IFT140: variants seen among roughly 807,000 people sequenced by gnomAD.
The protein encoded by IFT140 is intraflagellar transport 140.
IFT140 carries 133 observed loss-of-function variants against 164.6 expected under a neutral mutation model. The observed-to-expected ratio is 0.81, with a 90% CI of 0.70 to 0.93. IFT140 has a LOEUF of 0.93. IFT140 is among the 40% of genes least tolerant of loss of function. IFT140 has a pLI of 0.00. For missense variants in IFT140, 2,045 were observed against 1,972.3 expected, an observed-to-expected ratio of 1.04 and a Z score of -0.70; for synonymous variants, 860 against 817.3, an observed-to-expected ratio of 1.05 and a Z score of -0.89.
At chr16:1,526,825 C>G (rs534992746) in intron 19 of IFT140, 29 bp from the exon 20 acceptor site, 1 of 1,594,002 alleles carries the variant, frequency 6.3e-7, no homozygotes, top group African/African-American at 1.3e-5. Context: ...CTGTGAGGCT[C>G]CTGCCCAGCA....
intron 19 of IFT140, among the ~76,000 whole-genome samples, chr16:1,547,598 G>A (rs1849302301): frequency 1.3e-5 from 2 of 152,148 alleles, no homozygotes; most frequent in African/African-American, 4.8e-5. Context: ...GTGCAGTGGT[G>A]CAATCTGGGT....
intron 18 of IFT140, 66 bp downstream of exon 18, chr16:1,561,919 T>G (rs534276476): frequency 6.9e-7 from 1 of 1,454,508 alleles, no homozygotes; most frequent in Admixed American, 2.4e-5. Flanking sequence ...CTGGGACGCT[T>G]GCAAGAGCCC....
rs762138817 is a variant in IFT140 at position 1,589,649 on chromosome 16, G to A, written c.766C>T (p.Leu256=). The change falls in exon 7 of 31, where the codon CTG becomes TTG. Residue 256 remains leucine, a synonymous_variant. Transcript: ENST00000426508. ...TTGCCCTCAGGAGGCACCGTGTACA[G>A]GGACAGCCGGAGGTTCTCTGTGACC... ...VVVTENLRLS[L]YTVPPEGKAE... 2 of 1,614,158 alleles carry A rather than the reference G, an allele frequency of 1.2e-6. No homozygotes were observed. Among genetic ancestry groups the A allele is most frequent in the South Asian group, 1.1e-5 (1 of 91,078 alleles).
At chr16:1,607,022 GCACA>G (rs200397285) in intron 3 of IFT140, 94 bp downstream of exon 3, 34 of 1,179,908 alleles carry the variant, frequency 2.9e-5, no homozygotes, top group African/African-American at 2.3e-4. Flanking sequence ...ACACCCATAG[GCACA>G]CACACACATG....
intron 1 of IFT140, among the ~76,000 whole-genome samples, chr16:1,611,540 C>A (rs571719888): frequency 6.7e-6 from 1 of 149,428 alleles, no homozygotes; most frequent in South Asian, 2.1e-4. Context: ...TTGAGCCGGG[C>A]GCGGTGGCTC....
chr16:1,582,846 T>A (rs944411001), intron 12 of IFT140, among the ~76,000 whole-genome samples: 2 of 152,202 alleles, frequency 1.3e-5, no homozygotes, highest in Non-Finnish European at 2.9e-5. Flanking sequence ...GAGGGTGCAG[T>A]GAGGTGAGAT....
chr16:1,605,604 C>A (rs2036017906), intron 3 of IFT140, among the ~76,000 whole-genome samples: 1 of 152,028 alleles, frequency 6.6e-6, no homozygotes, highest in African/African-American at 2.4e-5. Context: ...CGGGGTTTCA[C>A]CGTGTTAGCC....
At chr16:1,563,434 C>A (rs1380320929) in intron 17 of IFT140, among the ~76,000 whole-genome samples, 1 of 150,822 alleles carries the variant, frequency 6.6e-6, no homozygotes, top group Non-Finnish European at 1.5e-5. Flanking sequence ...ACCTGGGCGA[C>A]AGAGAGAGAC....
Position 1,568,220 on chromosome 16 carries a change from G to A in IFT140, c.1767C>T (p.Ser589=), listed in dbSNP as rs1162373215. The change falls in exon 15 of 31, where the codon AGC becomes AGT. Residue 589 remains serine (S), a synonymous_variant. Transcript: ENST00000426508. Reference sequence around the variant, plus strand: ...AGTGGACGAGGGGTGGCCTCACCTTGCTGGGGAGGATGCTGATGGTGCTCC... The same window carrying A: ...AGTGGACGAGGGGTGGCCTCACCTTACTGGGGAGGATGCTGATGGTGCTCC... The part of the protein sequence containing the change: ...SSGSTISILP[S]KADNSPDSKI... 1.8e-5 allele frequency: 28 copies of A among 1,594,934 alleles called. No homozygotes were observed. Among genetic ancestry groups the A allele is most frequent in the Non-Finnish European group, 2.0e-5 (23 of 1,170,818 alleles).
intron 18 of IFT140, among the ~76,000 whole-genome samples, chr16:1,561,749 G>A (rs1007122739): frequency 6.6e-6 from 1 of 152,194 alleles, no homozygotes; most frequent in African/African-American, 2.4e-5. Context: ...TCATTAGCAC[G>A]AGTTCTCTCT....
At chr16:1,555,009 G>C (rs776603275) in intron 19 of IFT140, 4 of 1,611,572 alleles carry the variant, frequency 2.5e-6, no homozygotes, top group East Asian at 4.5e-5. Context: ...CAATGACTAC[G>C]TGGAGTCACC....
At chr16:1,523,110 G>A (rs547090142) in intron 26 of IFT140, among the ~76,000 whole-genome samples, 4 of 151,594 alleles carry the variant, frequency 2.6e-5, no homozygotes, top group South Asian at 4.2e-4. Flanking sequence ...CTGTATTCCC[G>A]GCTACTCAGG....
chr16:1,588,042 C>A lies in IFT140; in HGVS notation c.811-18G>T, dbSNP rs371769718. 1.9e-6 allele frequency: 3 copies of A among 1,610,320 alleles called. No individual in the cohort carries two copies. Among genetic ancestry groups the A allele is most frequent in the East Asian group, 2.2e-5 (1 of 44,830 alleles). On this transcript the variant is annotated intron_variant, in intron 7 of 30. Coordinates refer to ENST00000426508, the MANE Select transcript of IFT140 (RefSeq NM_014714.4). Reference sequence around the variant, plus strand: ...AGCTTGACCTGTGTGAGGAAACAACCGAGCAGAGGCACCGTGCTTGCTGAG... The same window carrying A: ...AGCTTGACCTGTGTGAGGAAACAACAGAGCAGAGGCACCGTGCTTGCTGAG...
In IFT140 at chr16:1,558,038, C is replaced by G; in HGVS notation, c.2296G>C (p.Glu766Gln). The change falls in exon 19 of 31, where the codon GAG (glutamate) becomes CAG (glutamine). Residue 766 changes from glutamate (E) to glutamine (Q), a missense_variant. By Grantham distance (29) the Glu-to-Gln change is conservative. Transcript: ENST00000426508. ...RRPLRDFVGL[E>Q]DCDKATRDAM... Reference sequence around the variant, plus strand: ...TCCCGGGTGGCCTTGTCGCAGTCCTCCAGCCCCACAAAGTCTCGCAGGGGT... The same window carrying G: ...TCCCGGGTGGCCTTGTCGCAGTCCTGCAGCCCCACAAAGTCTCGCAGGGGT... 1 of 1,614,068 alleles carries G rather than the reference C, an allele frequency of 6.2e-7. No individual in the cohort carries two copies. The highest frequency in any genetic ancestry group is 1.1e-5 in the South Asian group (1 of 91,070).
intron 7 of IFT140, among the ~76,000 whole-genome samples, chr16:1,588,527 A>AAATAATAATAATAATAGTAAT (rs1555492687): frequency 6.9e-6 from 1 of 145,432 alleles, no homozygotes; most frequent in Non-Finnish European, 1.5e-5. Context: ...TCCGTCTCAA[A>AAATAATAATAATAATAGTAAT]AATAATAATA....
intron 19 of IFT140, chr16:1,555,611 G>T: frequency 6.6e-6 from 1 of 152,612 alleles, no homozygotes; most frequent in Non-Finnish European, 1.5e-5. Context: ...ACTGCGACAT[G>T]GCTGAAAAAC....
intron 18 of IFT140, among the ~76,000 whole-genome samples, chr16:1,559,042 C>G (rs960403151): frequency 1.2e-4 from 19 of 152,198 alleles, no homozygotes; most frequent in African/African-American, 4.6e-4. Flanking sequence ...GGAGGCCCTT[C>G]TTGGCACAGT....
chr16:1,535,589 G>A (rs913690810), intron 19 of IFT140, among the ~76,000 whole-genome samples: 3 of 152,162 alleles, frequency 2.0e-5, no homozygotes, highest in Non-Finnish European at 4.4e-5. Context: ...CACACATCAC[G>A]TGTGCCTCAA....
chr16:1,587,358 T>C, intron 8 of IFT140, 54 bp from the exon 9 acceptor site: 2 of 1,138,482 alleles, frequency 1.8e-6, no homozygotes, highest in Admixed American at 1.8e-5. Flanking sequence ...GGCGTTTCCC[T>C]CTGAGGGGTT....
Sources: allele counts gnomAD v4.1 joint callset (sites outside exome capture counted in the v4.1 genomes callset), GRCh38; gene constraint gnomAD v4.1.1; transcripts MANE v1.5; gene names NCBI Gene and HGNC (gene_info 2026-07-23, HGNC 2026-07-21).